The following GRM7 variants were observed in gnomAD, a reference collection of about 807,000 sequenced individuals.
GRM7 encodes metabotropic glutamate receptor 7.
GRM7 carries 35 observed loss-of-function variants against 84.5 expected under a neutral mutation model. The observed-to-expected ratio is 0.41, with a 90% confidence interval of 0.32 to 0.55. The LOEUF is 0.55. Ranked by LOEUF, GRM7 falls within the 20% of genes least tolerant of loss-of-function variation. The pLI, the probability that GRM7 is intolerant of heterozygous loss-of-function variation, is 0.19. For missense variants in GRM7, 1,003 were observed against 1,194.6 expected, an observed-to-expected ratio of 0.84 and a Z score of 2.36; for synonymous variants, 487 against 455.1, an observed-to-expected ratio of 1.07 and a Z score of -0.89.
At chr3:7,413,803 G>C (rs1203329613) in intron 4 of GRM7, among the ~76,000 whole-genome samples, 1 of 152,164 alleles carries the variant, frequency 6.6e-6, no homozygotes, top group Non-Finnish European at 1.5e-5. Flanking sequence ...GTTGTTGACT[G>C]TTGGTGACTA....
chr3:7,611,812 A>G (rs1320905288), intron 8 of GRM7, among the ~76,000 whole-genome samples: 2 of 152,194 alleles, frequency 1.3e-5, no homozygotes, highest in Admixed American at 6.5e-5. Flanking sequence ...AGAAATGGAC[A>G]GCTCCATCTT....
intron 7 of GRM7, among the ~76,000 whole-genome samples, chr3:7,523,836 G>A (rs1336843659): frequency 6.6e-6 from 1 of 152,122 alleles, no homozygotes; most frequent in Non-Finnish European, 1.5e-5. Context: ...GGAGAAGAAG[G>A]ATTCCAGGAA....
rs146018985 is a variant in GRM7 at position 6,886,774 on chromosome 3, C to CAATAAT, written c.519+24888_519+24893dup. Among the ~76,000 whole-genome samples, 109 of 149,698 alleles carry CAATAAT rather than the reference C, an allele frequency of 7.3e-4. 1 individual carries two copies. The highest frequency in any genetic ancestry group is 6.9e-3 in the Middle Eastern group (2 of 288). On this transcript the variant is annotated intron_variant, in intron 1 of 9. Transcript: ENST00000357716. ...TTGCAGTAATTTAACTGGTCAGTAACAATAATAATAATAATAATAATAATA... is the reference window on the plus strand; with the variant it reads ...TTGCAGTAATTTAACTGGTCAGTAACAATAATAATAATAATAATAATAATAATAATA...
intron 5 of GRM7, among the ~76,000 whole-genome samples, chr3:7,430,167 A>G (rs1039064710): frequency 6.6e-6 from 1 of 152,230 alleles, no homozygotes; most frequent in African/African-American, 2.4e-5. Flanking sequence ...ACTTGGAAGT[A>G]GTTGTGATCT....
intron 8 of GRM7, among the ~76,000 whole-genome samples, chr3:7,612,274 G>C (rs1332511453): frequency 6.6e-6 from 1 of 152,136 alleles, no homozygotes; most frequent in Non-Finnish European, 1.5e-5. Flanking sequence ...CTATAAGATA[G>C]GTGTGGCAAC....
intron 1 of GRM7, among the ~76,000 whole-genome samples, chr3:7,038,127 G>C (rs1696448372): frequency 6.6e-6 from 1 of 152,148 alleles, no homozygotes; most frequent in Non-Finnish European, 1.5e-5. Context: ...CATTGCAGTG[G>C]AATCCTAGCT....
chr3:6,972,041 A>C (rs1462217140), intron 1 of GRM7, among the ~76,000 whole-genome samples: 1 of 152,216 alleles, frequency 6.6e-6, no homozygotes, highest in Non-Finnish European at 1.5e-5. Flanking sequence ...CACACAACTT[A>C]GCAGACATTA....
intron 1 of GRM7, among the ~76,000 whole-genome samples, chr3:7,020,179 C>A (rs1695725681): frequency 6.6e-6 from 1 of 152,176 alleles, no homozygotes; most frequent in Non-Finnish European, 1.5e-5. Flanking sequence ...ATGTGCAAAT[C>A]TCCCAATACC....
At chr3:7,433,326 C>T (rs1198780738) in intron 5 of GRM7, among the ~76,000 whole-genome samples, 1 of 152,198 alleles carries the variant, frequency 6.6e-6, no homozygotes, top group African/African-American at 2.4e-5. Context: ...CACTTCCATT[C>T]CTTCCCAGAG....
intron 2 of GRM7, among the ~76,000 whole-genome samples, chr3:7,187,258 A>T (rs1197265443): frequency 1.3e-5 from 2 of 152,178 alleles, no homozygotes; most frequent in Non-Finnish European, 2.9e-5. Flanking sequence ...TCGCAACAAG[A>T]TGTGCCTTTG....
chr3:7,447,343 T>C (rs895805703), intron 5 of GRM7, among the ~76,000 whole-genome samples: 2 of 152,222 alleles, frequency 1.3e-5, no homozygotes, highest in Non-Finnish European at 2.9e-5. Flanking sequence ...TAACATTGTA[T>C]TTCAGTGTGT....
At chr3:7,160,913 C>T (rs992667300) in intron 2 of GRM7, among the ~76,000 whole-genome samples, 1 of 152,090 alleles carries the variant, frequency 6.6e-6, no homozygotes, top group African/African-American at 2.4e-5. Flanking sequence ...GACTTCGCTG[C>T]CAGTCCTTAG....
At chr3:7,616,327 A>G (rs908387382) in intron 8 of GRM7, among the ~76,000 whole-genome samples, 1 of 152,178 alleles carries the variant, frequency 6.6e-6, no homozygotes. Flanking sequence ...AATAATTTCA[A>G]GTGCATAAAT....
chr3:7,507,246 C>T (rs4686131), intron 7 of GRM7, among the ~76,000 whole-genome samples: 1 of 152,094 alleles, frequency 6.6e-6, no homozygotes, highest in African/African-American at 2.4e-5. Context: ...AAAATCCAGT[C>T]TAGACAACTT....
intron 2 of GRM7, among the ~76,000 whole-genome samples, chr3:7,218,784 A>T (rs1158006416): frequency 1.3e-5 from 2 of 151,592 alleles, no homozygotes; most frequent in African/African-American, 4.8e-5. Context: ...TTTTAATATT[A>T]TAGATATTGA....
intron 1 of GRM7, among the ~76,000 whole-genome samples, chr3:7,138,387 G>T (rs1693838340): frequency 6.6e-6 from 1 of 151,922 alleles, no homozygotes; most frequent in East Asian, 1.9e-4. Context: ...AGAAGAAAAT[G>T]TTTTTGTATA....
At chr3:7,301,048 C>G (rs1328405994) in intron 3 of GRM7, among the ~76,000 whole-genome samples, 1 of 152,112 alleles carries the variant, frequency 6.6e-6, no homozygotes, top group East Asian at 1.9e-4. Context: ...AATATATGGT[C>G]TCATTTTTAC....
chr3:7,381,337 T>C (rs904143358), intron 4 of GRM7, among the ~76,000 whole-genome samples: 2 of 152,160 alleles, frequency 1.3e-5, no homozygotes, highest in African/African-American at 4.8e-5. Context: ...TCATTCATTC[T>C]TTTCCCTACT....
At position 6,861,766 on chromosome 3, in the gene GRM7, C is replaced by T; in HGVS notation, c.378C>T (p.Leu126=). The change falls in exon 1 of 10, where the codon CTC becomes CTT. Residue 126 remains leucine, a synonymous_variant. Transcript: ENST00000357716. This position sits in a 1 kb window ranked among gnomAD's most constrained non-coding sequence, Gnocchi z 6.4. ...LEQSLTFVQA[L]IQKDTSDVRC... ...AGTCGCTTACTTTCGTCCAGGCGCT[C>T]ATCCAGAAGGACACCTCCGACGTGC... The T allele has an allele frequency of 6.2e-7, 1 of 1,614,226 alleles. No homozygotes were observed. Among genetic ancestry groups the T allele is most frequent in the Non-Finnish European group, 8.5e-7 (1 of 1,180,046 alleles).
Sources: allele counts gnomAD v4.1 joint callset (sites outside exome capture counted in the v4.1 genomes callset), GRCh38; gene constraint gnomAD v4.1.1; non-coding constraint Gnocchi (gnomAD v3.1); transcripts MANE v1.5; gene names NCBI Gene and HGNC (gene_info 2026-07-23, HGNC 2026-07-21).